Variants in GUCY2C observed in about 807,000 individuals in gnomAD.
GUCY2C encodes guanylyl cyclase C.
Under a neutral mutation model 131.1 loss-of-function variants are expected in GUCY2C, and 118 were observed. That is an observed-to-expected ratio of 0.90 (90% CI 0.78 to 1.05). The LOEUF (loss-of-function observed/expected upper bound fraction) is 1.05, where lower values mean the gene tolerates loss of function less well. Ranked by LOEUF, GUCY2C falls within the 50% of genes least tolerant of loss-of-function variation. The pLI, the probability that GUCY2C is intolerant of heterozygous loss-of-function variation, is 0.00. For missense variants in GUCY2C, 1,161 were observed against 1,304.4 expected (o/e 0.89, Z 1.69); for synonymous variants, 452 against 457.8 (o/e 0.99, Z 0.16).
Position 14,696,397 on chromosome 12 carries a change from C to G in GUCY2C, c.52G>C (p.Gly18Arg). 1 of 1,614,086 alleles carries G rather than the reference C, an allele frequency of 6.2e-7. No individual in the cohort carries two copies. Among genetic ancestry groups the G allele is most frequent in the East Asian group, 2.2e-5 (1 of 44,870 alleles). ...LALWSLLFQP[G>R]WLSFSSQVSQ... ...ACCTGGGAACTAAAGGACAGCCACCCGGGCTGGAAGAGCAGTGACCACAAA... is the reference window on the plus strand; with the variant it reads ...ACCTGGGAACTAAAGGACAGCCACCGGGGCTGGAAGAGCAGTGACCACAAA... Residue 18 changes from glycine (G) to arginine (R), a missense_variant, in exon 1 of 27, where the codon GGG becomes CGG. Coordinates refer to ENST00000261170, the MANE Select transcript of GUCY2C (RefSeq NM_004963.4).
At chr12:14,677,406 C>T (rs962499924) in intron 6 of GUCY2C, among the ~76,000 whole-genome samples, 4 of 152,230 alleles carry the variant, frequency 2.6e-5, no homozygotes, top group Non-Finnish European at 4.4e-5. Context: ...AAAGACTAAA[C>T]GTCTTCTCTA....
intron 10 of GUCY2C, among the ~76,000 whole-genome samples, chr12:14,662,675 CAAAAAAA>C (rs35153087): frequency 6.9e-5 from 5 of 72,098 alleles, no homozygotes; most frequent in Non-Finnish European, 1.3e-4. Context: ...GACTCCGTCT[CAAAAAAA>C]AAAAAAAAAA....
chr12:14,621,203 C>T lies in GUCY2C; in HGVS notation c.2615G>A (p.Gly872Asp). 1 of 1,612,582 alleles carries T rather than the reference C, an allele frequency of 6.2e-7. No individual in the cohort carries two copies. ...HHDVYKVETI[G>D]DAYMVASGLP... ...ACCACTAGCCACCATGTACGCATCA[C>T]CGATGGTTTCCACCTGTGGAAACAG... Residue 872 changes from glycine (G) to aspartate (D), a missense_variant, in exon 23 of 27, where the codon GGT becomes GAT. By Grantham distance (94) the Gly-to-Asp change is moderately conservative (BLOSUM62 -1). Transcript: ENST00000261170.
chr12:14,663,563 G>T (rs778069394), intron 10 of GUCY2C, among the ~76,000 whole-genome samples: 3 of 152,212 alleles, frequency 2.0e-5, no homozygotes, highest in Non-Finnish European at 4.4e-5. Flanking sequence ...GATTACAGGC[G>T]TGAGCCACTG....
At chr12:14,665,979 G>C (rs1213601316) in intron 10 of GUCY2C, 1 of 152,240 alleles carries the variant, frequency 6.6e-6, no homozygotes, top group African/African-American at 2.4e-5. Flanking sequence ...AAGTTTAATA[G>C]GCAGGAAAGA....
chr12:14,639,830 C>A (rs759984917), intron 19 of GUCY2C, 32 bp downstream of exon 19: 1 of 1,273,616 alleles, frequency 7.9e-7, no homozygotes, highest in Middle Eastern at 1.8e-4. Context: ...TTATAGCAGG[C>A]CAAGGAAATG....
At position 14,656,671 on chromosome 12, in the gene GUCY2C, A is replaced by G. The variant is rs1947769354; in HGVS notation, c.1365-54T>C. 3.4e-6 allele frequency: 3 copies of G among 879,578 alleles called. No homozygotes were observed. In the East Asian group the frequency reaches 7.3e-5, roughly 21 times the overall value. The allele number at this position is 879,578 out of a possible 1,614,324, so 54.5% of individuals were successfully genotyped here. On this transcript the variant is annotated intron_variant, in intron 11 of 26. Transcript: ENST00000261170. ...GTTTTTATTAATATCCATGTCATTCAGCTTCTGAAGACTGGGTGAAGTTTA... is the reference window on the plus strand; with the variant it reads ...GTTTTTATTAATATCCATGTCATTCGGCTTCTGAAGACTGGGTGAAGTTTA...
intron 25 of GUCY2C, among the ~76,000 whole-genome samples, chr12:14,615,965 C>T (rs568337884): frequency 6.6e-6 from 1 of 152,126 alleles, no homozygotes; most frequent in Non-Finnish European, 1.5e-5. Flanking sequence ...CATTTGGAGA[C>T]AACTGATGGC....
At chr12:14,632,479 T>A (rs78593901) in intron 19 of GUCY2C, among the ~76,000 whole-genome samples, 4,598 of 152,326 alleles carry the variant, frequency 0.03, 130 homozygotes, top group Non-Finnish European at 0.041. Flanking sequence ...CAAGGCCTTT[T>A]TGAGGGACAA....
chr12:14,662,791 G>A (rs888311862), intron 10 of GUCY2C, among the ~76,000 whole-genome samples: 3 of 151,844 alleles, frequency 2.0e-5, no homozygotes, highest in Non-Finnish European at 4.4e-5. Context: ...TCAAGTTATA[G>A]GTAAAGAACA....
In GUCY2C at chr12:14,651,428, G is replaced by C; in HGVS notation, c.1689C>G (p.Tyr563Ter). Residue 563 changes from tyrosine (Y) to a stop codon, truncating the protein, a stop_gained, in exon 15 of 27, where the codon TAC (tyrosine) becomes TAG (stop). Transcript: ENST00000261170. LOFTEE classifies it high-confidence loss of function. ...TTACCCGGAGGGATCCTCTCTCACA[G>C]TATTCTATCACCCCGAAGATCATGG... Reference protein sequence around the residue: ...LDTMIFGVIEYCERGSLREVL... With the variant: ...LDTMIFGVIE The C allele has an allele frequency of 6.3e-7, 1 of 1,580,638 alleles. No homozygotes were observed. The highest frequency in any genetic ancestry group is 8.7e-7 in the Non-Finnish European group (1 of 1,149,584).
At chr12:14,683,851 T>C (rs1948403514) in intron 3 of GUCY2C, among the ~76,000 whole-genome samples, 1 of 152,216 alleles carries the variant, frequency 6.6e-6, no homozygotes, top group Non-Finnish European at 1.5e-5. Context: ...AAACTGTTTT[T>C]CATTTATTTT....
intron 20 of GUCY2C, 117 bp downstream of exon 20, chr12:14,628,529 G>A (rs1310754991): frequency 1.5e-6 from 1 of 659,888 alleles, no homozygotes; most frequent in Non-Finnish European, 2.8e-6. Context: ...GTTGTTGGTT[G>A]CCACCTGGGA....
chr12:14,644,352 T>A (rs1292864678), intron 16 of GUCY2C, among the ~76,000 whole-genome samples: 1 of 152,092 alleles, frequency 6.6e-6, no homozygotes, highest in Non-Finnish European at 1.5e-5. Flanking sequence ...GGTGACACAG[T>A]GAGACTCCGT....
chr12:14,667,939 C>A (rs931498966), intron 10 of GUCY2C, among the ~76,000 whole-genome samples: 2 of 150,618 alleles, frequency 1.3e-5, no homozygotes. Context: ...TAACATTCTT[C>A]ATAAATAATT....
At chr12:14,636,488 AC>A (rs1947272813) in intron 19 of GUCY2C, among the ~76,000 whole-genome samples, 1 of 152,064 alleles carries the variant, frequency 6.6e-6, no homozygotes, top group African/African-American at 2.4e-5. Context: ...TATATCACAC[AC>A]CCACAAAATA....
intron 19 of GUCY2C, among the ~76,000 whole-genome samples, chr12:14,639,299 C>CAAAAA (rs34629608): frequency 1.3e-5 from 1 of 77,116 alleles, no homozygotes; most frequent in African/African-American, 4.4e-5. Flanking sequence ...GACTCCGTCT[C>CAAAAA]AAAAAAAAAA....
At chr12:14,688,185 C>A (rs1040030230) in intron 1 of GUCY2C, 122 bp from the exon 2 acceptor site, 4 of 652,338 alleles carry the variant, frequency 6.1e-6, no homozygotes, top group Non-Finnish European at 1.1e-5. Flanking sequence ...ATATTTACAT[C>A]CTGAGCCCTT....
intron 21 of GUCY2C, 53 bp from the exon 22 acceptor site, chr12:14,622,250 G>GT: frequency 8.5e-7 from 1 of 1,170,056 alleles, no homozygotes; most frequent in Admixed American, 3.2e-5. Context: ...ATTTCTTCTT[G>GT]TTTCACATAA....
Sources: gnomAD v4.1 joint callset for allele counts (sites outside exome capture counted in the v4.1 genomes callset) on GRCh38, gnomAD v4.1.1 for gene constraint, MANE v1.5 for transcripts, NCBI Gene and HGNC (gene_info 2026-07-23, HGNC 2026-07-21) for gene names.